The following PARN variants were observed in gnomAD, a reference collection of about 807,000 sequenced individuals.
PARN encodes poly(A)-specific ribonuclease.
A neutral mutation model predicts 102.8 loss-of-function variants in PARN; 71 were observed. The observed-to-expected ratio is 0.69, with a 90% CI of 0.57 to 0.84. PARN has a LOEUF of 0.84. Among genes scored for constraint, PARN ranks in the 40% least tolerant of loss-of-function variants. PARN has a pLI of 0.00. For synonymous variants in PARN, 261 were observed against 252.9 expected (o/e 1.03, Z -0.30); for missense variants, 782 against 760.9 (o/e 1.03, Z -0.33).
chr16:14,628,379 ACT>A (rs1305178591), intron 2 of PARN, 128 bp from the exon 3 acceptor site: 6 of 608,174 alleles, frequency 9.9e-6, no homozygotes, highest in Middle Eastern at 3.1e-4. Flanking sequence ...TCCCTAACTT[ACT>A]TTTTTAAAAT....
At chr16:14,540,238 T>G (rs995549191) in intron 21 of PARN, among the ~76,000 whole-genome samples, 34 of 152,322 alleles carry the variant, frequency 2.2e-4, no homozygotes, top group African/African-American at 7.9e-4. Context: ...TATTGCCACA[T>G]TTAGAATTCA....
intron 22 of PARN, among the ~76,000 whole-genome samples, chr16:14,458,436 A>T: frequency 6.6e-6 from 1 of 152,202 alleles, no homozygotes; most frequent in Non-Finnish European, 1.5e-5. Context: ...ATTTCCAGGA[A>T]GTTAAACATG....
intron 22 of PARN, among the ~76,000 whole-genome samples, chr16:14,449,892 T>C (rs931157060): frequency 6.6e-6 from 1 of 152,196 alleles, no homozygotes; most frequent in Non-Finnish European, 1.5e-5. Context: ...CTGGTATGAA[T>C]GCAAAATCGC....
intron 21 of PARN, 108 bp from the exon 22 acceptor site, chr16:14,482,935 C>G (rs999029022): frequency 5.8e-6 from 5 of 856,700 alleles, no homozygotes; most frequent in Non-Finnish European, 8.7e-6. Flanking sequence ...CCCATCAGGC[C>G]TGAGGTCTGA....
At chr16:14,594,748 T>C (rs544154392) in intron 12 of PARN, among the ~76,000 whole-genome samples, 2 of 152,264 alleles carry the variant, frequency 1.3e-5, no homozygotes, top group African/African-American at 4.8e-5. Flanking sequence ...ATGGAGCTTT[T>C]ACTATAACCC....
chr16:14,470,437 G>GATTATTATTATTATT (rs56768991), intron 22 of PARN, among the ~76,000 whole-genome samples: 44 of 147,158 alleles, frequency 3.0e-4, no homozygotes, highest in African/African-American at 7.7e-4. Context: ...GAGTTTGGAT[G>GATTATTATTATTATT]ATTATTATTA....
At position 14,436,765 on chromosome 16, in the gene PARN, G is replaced by T; in HGVS notation, c.1872C>A (p.Ile624=). 6.3e-7 allele frequency: 1 copy of T among 1,589,954 alleles called. No individual in the cohort carries two copies. The highest frequency in any genetic ancestry group is 8.6e-7 in the Non-Finnish European group (1 of 1,167,972). ...AGAGTGTGGCAGGGCTGTTCTTCGAGATGCTTCCTGGTGGGAAAGAACAAA... is the reference window on the plus strand; with the variant it reads ...AGAGTGTGGCAGGGCTGTTCTTCGATATGCTTCCTGGTGGGAAAGAACAAA... ...MKKELSPAGS[I]SKNSPATLFE... is the part of the protein sequence containing the mutation. Residue 624 remains isoleucine (I), a synonymous_variant, in exon 24 of 24, where the codon ATC becomes ATA. Coordinates refer to ENST00000437198, the MANE Select transcript of PARN (RefSeq NM_002582.4).
At chr16:14,443,880 C>G (rs2151553036) in intron 23 of PARN, among the ~76,000 whole-genome samples, 1 of 152,298 alleles carries the variant, frequency 6.6e-6, no homozygotes, top group African/African-American at 2.4e-5. Context: ...CTGGAGCTCA[C>G]ACCCAACGCC....
At chr16:14,463,911 C>A (rs902798838) in intron 22 of PARN, among the ~76,000 whole-genome samples, 3 of 150,044 alleles carry the variant, frequency 2.0e-5, no homozygotes, top group African/African-American at 7.4e-5. Flanking sequence ...CAGCTCACTG[C>A]AGCCTTGACC....
At chr16:14,539,640 G>T (rs1024660747) in intron 21 of PARN, among the ~76,000 whole-genome samples, 1 of 152,156 alleles carries the variant, frequency 6.6e-6, no homozygotes, top group African/African-American at 2.4e-5. Context: ...CAAGTCAGTT[G>T]CTTTTACAAG....
intron 12 of PARN, among the ~76,000 whole-genome samples, chr16:14,598,476 G>C (rs1400178420): frequency 6.6e-6 from 1 of 152,134 alleles, no homozygotes; most frequent in Admixed American, 6.6e-5. Flanking sequence ...CCGTATCTCT[G>C]AATTTTAGGG....
At chr16:14,491,952 T>C (rs1249122373) in intron 21 of PARN, among the ~76,000 whole-genome samples, 1 of 152,200 alleles carries the variant, frequency 6.6e-6, no homozygotes. Flanking sequence ...AAAAAGTGCC[T>C]GGACTGGAAA....
intron 5 of PARN, among the ~76,000 whole-genome samples, chr16:14,620,257 G>A (rs1363198847): frequency 2.0e-5 from 3 of 147,320 alleles, no homozygotes; most frequent in Admixed American, 6.8e-5. Context: ...GGCACCTGTA[G>A]TCCCAGCTAC....
intron 21 of PARN, among the ~76,000 whole-genome samples, chr16:14,497,930 C>G (rs779704097): frequency 2.0e-5 from 3 of 152,072 alleles, no homozygotes; most frequent in Non-Finnish European, 4.4e-5. Flanking sequence ...AAGAGACCAT[C>G]CTGGCCAACA....
rs1197139061 is a variant in PARN at position 14,447,046 on chromosome 16, AAAT to A, written c.1703_1705del (p.Asn568_Leu569delinsMet). ...GCCAGCTTCCTCTTGACTAGGACTC[AAAT>A]TTCTCTTTCCTACTGTGCTGGGAGC... On this transcript the variant is annotated inframe_deletion, in exon 23 of 24. Transcript: ENST00000437198. 1 of 1,613,864 alleles carries A rather than the reference AAAT, an allele frequency of 6.2e-7. No homozygotes were observed. The highest frequency in any genetic ancestry group is 8.5e-7 in the Non-Finnish European group (1 of 1,179,820).
At position 14,584,331 on chromosome 16, in the gene PARN, G is replaced by A. The variant is rs552550807; in HGVS notation, c.1081+16C>T. On this transcript the variant is annotated intron_variant, in intron 16 of 23. Coordinates refer to ENST00000437198, the MANE Select transcript of PARN (RefSeq NM_002582.4). ...ATTACAAAGAGTTTGGAGGGTTTCC[G>A]GTTTAATATTCTTACCAACTTTAGG... 9.1e-5 allele frequency: 142 copies of A among 1,566,824 alleles called. No homozygotes were observed. The highest frequency in any genetic ancestry group is 8.0e-4 in the Admixed American group (48 of 59,652).
chr16:14,462,576 G>C (rs946787099), intron 22 of PARN, among the ~76,000 whole-genome samples: 1 of 151,294 alleles, frequency 6.6e-6, no homozygotes, highest in Non-Finnish European at 1.5e-5. Context: ...CATTACTGTG[G>C]AATTTCAAAA....
intron 18 of PARN, among the ~76,000 whole-genome samples, chr16:14,568,844 G>A (rs753477098): frequency 1.3e-5 from 2 of 151,870 alleles, no homozygotes; most frequent in East Asian, 1.9e-4. Flanking sequence ...GCAGTGAGCC[G>A]AGATCACGCC....
intron 21 of PARN, among the ~76,000 whole-genome samples, chr16:14,490,679 C>A (rs1964011537): frequency 6.6e-6 from 1 of 152,178 alleles, no homozygotes; most frequent in Non-Finnish European, 1.5e-5. Context: ...CAGCGTGAGG[C>A]CCTAAATCAC....
Sources: allele counts gnomAD v4.1 joint callset (sites outside exome capture counted in the v4.1 genomes callset), GRCh38; gene constraint gnomAD v4.1.1; transcripts MANE v1.5; gene names NCBI Gene and HGNC (gene_info 2026-07-23, HGNC 2026-07-21).